The following LRP5 variants were observed in gnomAD, a reference collection of about 807,000 sequenced individuals.
LRP5 encodes the protein LDL receptor related protein 5, also known as low-density lipoprotein receptor-related protein 5.
A neutral mutation model predicts 154.1 loss-of-function variants in LRP5; 62 were observed. The ratio of observed to expected loss-of-function variants is 0.40; its 90% CI spans 0.33 to 0.50. LRP5 has a LOEUF of 0.50. Ranked by LOEUF, LRP5 falls within the 20% of genes least tolerant of loss-of-function variation. The pLI is 0.55. For synonymous variants in LRP5, 966 were observed against 1,011.5 expected (o/e 0.96, Z 0.85); for missense variants, 1,915 against 2,336.7 (o/e 0.82, Z 3.72).
chr11:68,328,790 G>C (rs1156882818), intron 1 of LRP5, among the ~76,000 whole-genome samples: 2 of 152,166 alleles, frequency 1.3e-5, no homozygotes. Context: ...ATCTGGAGTC[G>C]AACTTGCCCT....
At chr11:68,422,817 C>T (rs1034233934) in intron 13 of LRP5, among the ~76,000 whole-genome samples, 1 of 150,960 alleles carries the variant, frequency 6.6e-6, no homozygotes, top group Non-Finnish European at 1.5e-5. Flanking sequence ...CCTTCCCTAC[C>T]CACCCTCACC....
At chr11:68,393,636 C>G (rs2098647612) in intron 7 of LRP5, among the ~76,000 whole-genome samples, 1 of 152,040 alleles carries the variant, frequency 6.6e-6, no homozygotes, top group Non-Finnish European at 1.5e-5. Flanking sequence ...TAAAAATTAG[C>G]CGGGTGTGGC....
In LRP5 at chr11:68,448,975, T is replaced by C. The variant is rs749670287; in HGVS notation, c.4753T>C (p.Ser1585Pro). Residue 1585 changes from serine to proline, a missense_variant, in exon 23 of 23, where the codon TCG (serine) becomes CCG (proline). Transcript: ENST00000294304. ...ACCCACGCCCCACAGCCAGTACCTG[T>C]CGGCGGAGGACAGCTGCCCGCCCTC... Reference protein sequence around the residue: ...PPPTPHSQYLSAEDSCPPSPA... With the variant: ...PPPTPHSQYLPAEDSCPPSPA... The C allele has an allele frequency of 2.5e-6, 4 of 1,611,214 alleles. No individual in the cohort carries two copies. The African/African-American group carries it at 4.0e-5, about 16-fold the overall frequency.
At chr11:68,325,294 C>T (rs1337328726) in intron 1 of LRP5, among the ~76,000 whole-genome samples, 6 of 152,148 alleles carry the variant, frequency 3.9e-5, no homozygotes, top group Middle Eastern at 3.2e-3. Context: ...GAAAGGCAGA[C>T]GGGAATGCAG....
At chr11:68,376,012 TC>T (rs2098637122) in intron 5 of LRP5, among the ~76,000 whole-genome samples, 1 of 152,134 alleles carries the variant, frequency 6.6e-6, no homozygotes, top group East Asian at 1.9e-4. Flanking sequence ...GTCACATGGT[TC>T]CATTCTAATC....
intron 13 of LRP5, among the ~76,000 whole-genome samples, chr11:68,421,686 C>CTG (rs148066763): frequency 0.12 from 15,606 of 133,222 alleles, 1,015 homozygotes; most frequent in Admixed American, 0.22. Context: ...CCCAGCAAGG[C>CTG]TGTGTGTGTG....
chr11:68,426,236 C>T (rs1181830520), intron 16 of LRP5, 49 bp downstream of exon 16: 1 of 1,531,232 alleles, frequency 6.5e-7, no homozygotes, highest in Admixed American at 1.7e-5. Context: ...CTAAACCCGA[C>T]CCCTGGAGGA....
intron 1 of LRP5, among the ~76,000 whole-genome samples, chr11:68,346,393 G>T (rs1029924987): frequency 6.6e-6 from 1 of 152,280 alleles, no homozygotes; most frequent in Non-Finnish European, 1.5e-5. Flanking sequence ...ATTTGAGCCA[G>T]TGCTTGTCTT....
chr11:68,410,351 C>T (rs551817054), intron 10 of LRP5, among the ~76,000 whole-genome samples: 2 of 152,304 alleles, frequency 1.3e-5, no homozygotes, highest in East Asian at 3.9e-4. Context: ...GTATCAGGCA[C>T]AGTGCTGGCT....
chr11:68,318,003 T>C lies in LRP5; in HGVS notation c.91+5198T>C, dbSNP rs573895239. Among the ~76,000 whole-genome samples the C allele has an allele frequency of 9.4e-4, 143 of 152,208 alleles. 1 individual carries two copies. The highest frequency in any genetic ancestry group is 3.3e-3 in the African/African-American group (138 of 41,536). ...CTCTATTGGAGTGTATTTAATTTAA[T>C]ATATATATTTTAAACATCTTTTAGT... On this transcript the variant is annotated intron_variant, in intron 1 of 22. Coordinates refer to ENST00000294304, the MANE Select transcript of LRP5 (RefSeq NM_002335.4).
At chr11:68,332,884 C>G (rs1457082800) in intron 1 of LRP5, among the ~76,000 whole-genome samples, 1 of 152,090 alleles carries the variant, frequency 6.6e-6, no homozygotes, top group Non-Finnish European at 1.5e-5. Context: ...TCCTGGGGTG[C>G]TTGAAGATGT....
intron 21 of LRP5, among the ~76,000 whole-genome samples, chr11:68,445,892 G>A (rs554985854): frequency 7.9e-5 from 12 of 152,358 alleles, no homozygotes; most frequent in South Asian, 2.1e-4. Flanking sequence ...CTCCCTCAGC[G>A]TGGTGACTTC....
In LRP5 at chr11:68,433,700, G is replaced by A; in HGVS notation, c.3862G>A (p.Asp1288Asn). Residue 1288 changes from aspartate to asparagine, a missense_variant, in exon 18 of 23, where the codon GAC becomes AAC. Asp to Asn is a conservative substitution (Grantham distance 23). Around this residue, in one of 3 missense-constraint regions of LRP5, gnomAD observed 1,094 missense variants for 1,210.1 expected, o/e 0.90. Coordinates refer to ENST00000294304, the MANE Select transcript of LRP5 (RefSeq NM_002335.4). ...WRCDGFPECD[D>N]QSDEEGCPVC... ...CTGTGACGGCTTTCCCGAGTGCGATGACCAGAGCGACGAGGAGGGCTGCCC... is the reference window on the plus strand; with the variant it reads ...CTGTGACGGCTTTCCCGAGTGCGATAACCAGAGCGACGAGGAGGGCTGCCC... 1.2e-6 allele frequency: 2 copies of A among 1,613,162 alleles called. No homozygotes were observed. The highest frequency in any genetic ancestry group is 2.2e-5 in the East Asian group (1 of 44,870).
At chr11:68,416,224 G>T in intron 12 of LRP5, 104 bp from the exon 13 acceptor site, 1 of 956,118 alleles carries the variant, frequency 1.0e-6, no homozygotes. Flanking sequence ...CCTCCAGCGG[G>T]GCAGATGCTG....
At chr11:68,301,833 T>G in the LRP5 span, among the ~76,000 whole-genome samples, 6 of 151,824 alleles carry the variant, frequency 4.0e-5, no homozygotes, top group South Asian at 2.1e-4. Context: ...CTTCACTGTG[T>G]TAGCCAGGAT....
chr11:68,427,917 G>A (rs571863703), intron 16 of LRP5, among the ~76,000 whole-genome samples: 13 of 152,048 alleles, frequency 8.5e-5, no homozygotes, highest in African/African-American at 2.7e-4. Context: ...AGAATAACGC[G>A]AGTTCCCAGG....
chr11:68,356,508 C>T (rs2098623281), intron 2 of LRP5, among the ~76,000 whole-genome samples: 1 of 152,158 alleles, frequency 6.6e-6, no homozygotes, highest in Admixed American at 6.5e-5. Context: ...TGATGAGCAG[C>T]AGGTACTGAG....
At chr11:68,311,386 G>C (rs936686105), upstream of LRP5, among the ~76,000 whole-genome samples, 1 of 152,094 alleles carries the variant, frequency 6.6e-6, no homozygotes, top group Non-Finnish European at 1.5e-5. Flanking sequence ...CGCCTCCTCC[G>C]TGGATGTCTG....
chr11:68,393,547 G>A (rs1035471835), intron 7 of LRP5, among the ~76,000 whole-genome samples: 9 of 152,190 alleles, frequency 5.9e-5, no homozygotes, highest in Non-Finnish European at 1.3e-4. Flanking sequence ...TTGGGAGGCC[G>A]TGGCGGGCGG....
Sources: gnomAD v4.1 joint callset for allele counts (sites outside exome capture counted in the v4.1 genomes callset) on GRCh38, gnomAD v4.1.1 for gene constraint, gnomAD v4.1.1 regional missense constraint, MANE v1.5 for transcripts, NCBI Gene and HGNC (gene_info 2026-07-23, HGNC 2026-07-21) for gene names.